Variants in RBFOX1 observed in about 807,000 individuals in gnomAD.
The protein encoded by RBFOX1 is RNA binding fox-1 homolog 1.
A neutral mutation model predicts 57.7 loss-of-function variants in RBFOX1; 8 were observed. The ratio of observed to expected loss-of-function variants is 0.14; its 90% confidence interval spans 0.08 to 0.25. RBFOX1 has a LOEUF of 0.25. RBFOX1 is among the 10% of genes least tolerant of loss of function. RBFOX1 has a pLI of 1.00. For synonymous variants in RBFOX1, 326 were observed against 222.4 expected, an observed-to-expected ratio of 1.47 and a Z score of -4.15; for missense variants, 611 against 548.5, an observed-to-expected ratio of 1.11 and a Z score of -1.14.
chr16:7,712,631 G>A lies in RBFOX1; in HGVS notation c.*1886G>A, dbSNP rs1392036097. On this transcript the variant is annotated 3_prime_UTR_variant, in exon 16 of 16. Transcript: ENST00000550418. ...TTTCACCAGACTTCTTTGGGTGGGT[G>A]AGGGGAGGGGCAAGAGGGTGTTTTA... The A allele has an allele frequency of 2.6e-5, 4 of 152,396 alleles. No homozygotes were observed. Among genetic ancestry groups the A allele is most frequent in the Non-Finnish European group, 5.9e-5 (4 of 68,042 alleles). The allele number at this position is 152,396 out of a possible 1,614,324, so 9.4% of individuals were successfully genotyped here. A position where few individuals can be genotyped will look rare whatever the true frequency, so the allele number is the denominator to read the frequency against.
chr16:5,812,262 C>T (rs1211967763), intron 3 of RBFOX1, among the ~76,000 whole-genome samples: 5 of 152,130 alleles, frequency 3.3e-5, no homozygotes, highest in African/African-American at 7.2e-5. Flanking sequence ...GTTCTGTATA[C>T]GCCTTTGGAC....
chr16:5,246,655 C>T (rs1894832205), intron 1 of RBFOX1, among the ~76,000 whole-genome samples: 1 of 151,746 alleles, frequency 6.6e-6, no homozygotes, highest in Admixed American at 6.6e-5. Context: ...ATGAATTAAA[C>T]TTTTTAATTT....
intron 4 of RBFOX1, among the ~76,000 whole-genome samples, chr16:7,147,960 G>C (rs774707102): frequency 3.3e-5 from 5 of 152,190 alleles, no homozygotes; most frequent in Admixed American, 2.6e-4. Context: ...TCCTCAAGGA[G>C]TAATGCCTAG....
At chr16:7,059,846 T>C (rs567816362) in intron 4 of RBFOX1, among the ~76,000 whole-genome samples, 4 of 152,276 alleles carry the variant, frequency 2.6e-5, no homozygotes, top group Middle Eastern at 3.4e-3. Context: ...TTACATTAGT[T>C]AGTGGAATAT....
At chr16:7,708,173 C>T (rs758488093) in intron 14 of RBFOX1, among the ~76,000 whole-genome samples, 6 of 151,844 alleles carry the variant, frequency 4.0e-5, no homozygotes, top group African/African-American at 1.5e-4. Flanking sequence ...ACTTTGTCTC[C>T]CCCCTCATAA....
chr16:5,908,158 A>AC (rs1491271512), intron 4 of RBFOX1, among the ~76,000 whole-genome samples: 3 of 123,366 alleles, frequency 2.4e-5, no homozygotes, highest in African/African-American at 9.6e-5. Context: ...ATATATACAC[A>AC]TATATATACA....
intron 4 of RBFOX1, among the ~76,000 whole-genome samples, chr16:7,169,557 T>C (rs1225691843): frequency 6.6e-6 from 1 of 152,198 alleles, no homozygotes; most frequent in Non-Finnish European, 1.5e-5. Context: ...AAAACAGTGA[T>C]GTACATGATT....
At chr16:7,625,189 A>G (rs1431851730) in intron 10 of RBFOX1, among the ~76,000 whole-genome samples, 1 of 152,030 alleles carries the variant, frequency 6.6e-6, no homozygotes, top group Non-Finnish European at 1.5e-5. Context: ...GATGTTCTGA[A>G]CACATGGTGT....
rs550386710 is a variant in RBFOX1, at chr16:5,398,153, C to T, written c.220-69063C>T. Among the ~76,000 whole-genome samples, 12 of 152,304 alleles carry T rather than the reference C, an allele frequency of 7.9e-5. No individual in the cohort carries two copies. The South Asian group carries it at 1.4e-3, about 18-fold the overall frequency. ...TTTCCTGAGGGGACACCTAAGCTGA[C>T]AACTGAAGGGTGGCAGCTTGGGCAA... is the stretch of plus-strand genomic sequence containing the variant. On this transcript the variant is annotated intron_variant, in intron 1 of 2. Coordinates refer to the RBFOX1 transcript ENST00000585867.
intron 11 of RBFOX1, among the ~76,000 whole-genome samples, chr16:7,634,215 A>G (rs529260453): frequency 6.6e-6 from 1 of 152,158 alleles, no homozygotes; most frequent in Non-Finnish European, 1.5e-5. Context: ...TTGAAAATGC[A>G]TATGTTCCTC....
chr16:5,802,250 C>T (rs1388107026), intron 3 of RBFOX1, among the ~76,000 whole-genome samples: 3 of 152,058 alleles, frequency 2.0e-5, no homozygotes, highest in Admixed American at 6.6e-5. Flanking sequence ...TGAAGCTGTT[C>T]GTTTGGAAAG....
intron 1 of RBFOX1, among the ~76,000 whole-genome samples, chr16:6,126,404 G>T (rs2096590132): frequency 6.6e-6 from 1 of 152,154 alleles, no homozygotes. Flanking sequence ...GCCAAGTCTG[G>T]TGATTCTTAT....
At chr16:6,615,341 G>C (rs927049198) in intron 2 of RBFOX1, among the ~76,000 whole-genome samples, 1 of 152,076 alleles carries the variant, frequency 6.6e-6, no homozygotes. Context: ...AGGCCAAGGC[G>C]GGTGGATCAC....
chr16:7,010,714 C>G (rs1327027804), intron 3 of RBFOX1, among the ~76,000 whole-genome samples: 1 of 152,086 alleles, frequency 6.6e-6, no homozygotes, highest in Non-Finnish European at 1.5e-5. Flanking sequence ...CACTTGCATG[C>G]CACCACTGCC....
chr16:6,437,347 G>A (rs1276033560), intron 2 of RBFOX1, among the ~76,000 whole-genome samples: 1 of 152,158 alleles, frequency 6.6e-6, no homozygotes, highest in Admixed American at 6.5e-5. Context: ...AGCACAGAGA[G>A]CATATTTCTG....
At chr16:7,470,457 A>T (rs184084135) in intron 4 of RBFOX1, among the ~76,000 whole-genome samples, 1 of 151,280 alleles carries the variant, frequency 6.6e-6, no homozygotes, top group Non-Finnish European at 1.5e-5. Flanking sequence ...GGGTGGGTGG[A>T]TGAGTGGATG....
chr16:7,597,404 A>G lies in RBFOX1; in HGVS notation c.595A>G (p.Lys199Glu). The G allele has an allele frequency of 6.2e-7, 1 of 1,611,570 alleles. No homozygotes were observed. The highest frequency in any genetic ancestry group is 8.5e-7 in the Non-Finnish European group (1 of 1,178,512). The change falls in exon 9 of 16, where the codon AAA becomes GAA. Residue 199 changes from lysine to glutamate, a missense_variant. Lys to Glu is a moderately conservative substitution (Grantham distance 56). Coordinates refer to ENST00000550418, the MANE Select transcript of RBFOX1 (RefSeq NM_018723.4). The stretch of plus-strand genomic sequence containing the variant: ...TGCCACAGCACGTGTAATGACAAAT[A>G]AAAAGACCGTCAACCCTTATACAAA... Reference protein sequence around the residue: ...NNATARVMTNKKTVNPYTNGW... With the variant: ...NNATARVMTNEKTVNPYTNGW...
chr16:6,218,840 A>C (rs4786838), intron 1 of RBFOX1, among the ~76,000 whole-genome samples: 141,982 of 151,232 alleles, frequency 0.94, 67,273 homozygotes, highest in East Asian at 1. Context: ...CCAAATGGAG[A>C]CAATTGAAGC....
intron 1 of RBFOX1, among the ~76,000 whole-genome samples, chr16:6,295,019 C>T (rs182997081): frequency 6.6e-6 from 1 of 151,922 alleles, no homozygotes; most frequent in Non-Finnish European, 1.5e-5. Flanking sequence ...TCACCGTGAC[C>T]ATGCTTTTTC....
Sources: allele counts gnomAD v4.1 joint callset (sites outside exome capture counted in the v4.1 genomes callset), GRCh38; gene constraint gnomAD v4.1.1; transcripts MANE v1.5; gene names NCBI Gene and HGNC (gene_info 2026-07-23, HGNC 2026-07-21).